The following GRM8 variants were observed in gnomAD, a reference collection of about 807,000 sequenced individuals.
GRM8 encodes glutamate metabotropic receptor 8.
Under a neutral mutation model 87.2 loss-of-function variants are expected in GRM8, and 47 were observed. The ratio of observed to expected loss-of-function variants is 0.54; its 90% CI spans 0.43 to 0.69. The LOEUF (loss-of-function observed/expected upper bound fraction) is 0.69. Ranked by LOEUF, GRM8 falls within the 30% of genes least tolerant of loss-of-function variation. The pLI is 0.00. For missense variants in GRM8, 1,019 were observed against 1,139.2 expected (o/e 0.89, Z 1.52); for synonymous variants, 396 against 404.5 (o/e 0.98, Z 0.25).
At chr7:127,054,359 G>A (rs1819775580) in intron 3 of GRM8, among the ~76,000 whole-genome samples, 1 of 152,106 alleles carries the variant, frequency 6.6e-6, no homozygotes, top group African/African-American at 2.4e-5. Flanking sequence ...TTTACTACCT[G>A]TGAATGACTG....
At chr7:127,239,645 T>C (rs1468424742) in intron 2 of GRM8, among the ~76,000 whole-genome samples, 1 of 152,232 alleles carries the variant, frequency 6.6e-6, no homozygotes, top group Non-Finnish European at 1.5e-5. Context: ...TGATAACTAT[T>C]CTAATATTTC....
At chr7:126,814,476 A>C (rs117618076) in intron 6 of GRM8, among the ~76,000 whole-genome samples, 1 of 152,108 alleles carries the variant, frequency 6.6e-6, no homozygotes, top group Non-Finnish European at 1.5e-5. Context: ...AGAAAAACTT[A>C]AACAGAATTC....
At chr7:127,225,307 G>A (rs1289779133) in intron 2 of GRM8, among the ~76,000 whole-genome samples, 1 of 152,326 alleles carries the variant, frequency 6.6e-6, no homozygotes, top group Non-Finnish European at 1.5e-5. Flanking sequence ...GCTTATGGAA[G>A]GCTCTTCTCA....
chr7:126,558,245 C>G (rs916332983), intron 8 of GRM8, among the ~76,000 whole-genome samples: 1 of 152,106 alleles, frequency 6.6e-6, no homozygotes, highest in Non-Finnish European at 1.5e-5. Context: ...CAACTGTGTA[C>G]CAAGTATAGT....
intron 3 of GRM8, among the ~76,000 whole-genome samples, chr7:126,974,187 C>T (rs142513606): frequency 2.3e-4 from 35 of 152,336 alleles, no homozygotes; most frequent in African/African-American, 6.0e-4. Context: ...CCCCAGATAT[C>T]TCACTATGTA....
intron 3 of GRM8, among the ~76,000 whole-genome samples, chr7:127,027,941 C>A (rs993515523): frequency 6.6e-6 from 1 of 152,080 alleles, no homozygotes; most frequent in Admixed American, 6.6e-5. Context: ...CAGTTTTTGC[C>A]CATTCACTAC....
At chr7:126,570,493 T>C (rs1794603206) in intron 8 of GRM8, among the ~76,000 whole-genome samples, 1 of 152,202 alleles carries the variant, frequency 6.6e-6, no homozygotes, top group Non-Finnish European at 1.5e-5. Flanking sequence ...ATATCTCCTG[T>C]ACTCCTAGAC....
At chr7:127,141,351 A>G (rs931944627) in intron 2 of GRM8, among the ~76,000 whole-genome samples, 23 of 151,612 alleles carry the variant, frequency 1.5e-4, no homozygotes, top group African/African-American at 5.4e-4. Flanking sequence ...GCTAGAATTC[A>G]TGTTCAATTA....
At chr7:126,725,494 A>G (rs1211692661) in intron 7 of GRM8, among the ~76,000 whole-genome samples, 5 of 152,180 alleles carry the variant, frequency 3.3e-5, no homozygotes. Context: ...CTCCTACTCT[A>G]AAGCCCTGAC....
At chr7:126,986,172 C>A (rs17861383) in intron 3 of GRM8, among the ~76,000 whole-genome samples, 15,456 of 151,966 alleles carry the variant, frequency 0.1, 957 homozygotes, top group East Asian at 0.22. Flanking sequence ...TGCCACCACC[C>A]CTGACTAATT....
chr7:126,466,181 T>A (rs1021362529), intron 9 of GRM8, among the ~76,000 whole-genome samples: 4 of 151,928 alleles, frequency 2.6e-5, no homozygotes, highest in Non-Finnish European at 5.9e-5. Context: ...ACTTTTTTTT[T>A]AGTTAGAATT....
chr7:126,719,172 TATC>T (rs961949254), intron 7 of GRM8, among the ~76,000 whole-genome samples: 45 of 152,220 alleles, frequency 3.0e-4, no homozygotes, highest in Admixed American at 2.9e-3. Context: ...TTTGCAAAGT[TATC>T]ATAAAATATA....
chr7:127,167,070 G>A lies in GRM8; in HGVS notation c.511-60358C>T, dbSNP rs1173058380. Reference sequence around the variant, plus strand: ...ACTCTAAAACATCCTTTTAAAATCTGGGCATAGAAGGTTTAGAGTCTGGCT... The same window carrying A: ...ACTCTAAAACATCCTTTTAAAATCTAGGCATAGAAGGTTTAGAGTCTGGCT... On this transcript the variant is annotated intron_variant, in intron 2 of 10. Coordinates refer to ENST00000339582, the MANE Select transcript of GRM8 (RefSeq NM_000845.3). 2.6e-5 allele frequency among the ~76,000 whole-genome samples: 4 copies of A among 152,210 alleles called. No homozygotes were observed. The East Asian group carries it at 7.7e-4, about 29-fold the overall frequency.
At chr7:126,951,908 C>G (rs1808206349) in intron 3 of GRM8, among the ~76,000 whole-genome samples, 1 of 151,772 alleles carries the variant, frequency 6.6e-6, no homozygotes, top group African/African-American at 2.4e-5. Flanking sequence ...TATTCATATG[C>G]ATATATTTCC....
chr7:126,456,045 C>A lies in GRM8; in HGVS notation c.2431-9673G>T, dbSNP rs1803188007. On this transcript the variant is annotated intron_variant, in intron 9 of 10. Coordinates refer to ENST00000339582, the MANE Select transcript of GRM8 (RefSeq NM_000845.3). Reference sequence around the variant, plus strand: ...TATCAAATAAATTCATATAAGCTAACATTTTAATCATTAAAATAAAATCTC... The same window carrying A: ...TATCAAATAAATTCATATAAGCTAAAATTTTAATCATTAAAATAAAATCTC... 2.6e-5 allele frequency among the ~76,000 whole-genome samples: 4 copies of A among 151,484 alleles called. No individual in the cohort carries two copies. The South Asian group carries it at 8.3e-4, about 31-fold the overall frequency.
chr7:126,871,771 TA>T (rs1799118636), intron 6 of GRM8, among the ~76,000 whole-genome samples: 1 of 152,180 alleles, frequency 6.6e-6, no homozygotes, highest in East Asian at 1.9e-4. Flanking sequence ...CGTTATATGG[TA>T]AAGACTGTCT....
At chr7:126,666,528 T>C (rs1431229358) in intron 7 of GRM8, among the ~76,000 whole-genome samples, 1 of 152,136 alleles carries the variant, frequency 6.6e-6, no homozygotes, top group African/African-American at 2.4e-5. Flanking sequence ...ACAAAAGCAT[T>C]AATATCAACA....
chr7:127,219,156 CTT>C (rs5887327), intron 2 of GRM8, among the ~76,000 whole-genome samples: 23 of 151,196 alleles, frequency 1.5e-4, no homozygotes, highest in Middle Eastern at 3.4e-3. Context: ...CATAGAAGAA[CTT>C]TTTTTTTTTA....
At chr7:126,735,729 C>G (rs1814136370) in intron 7 of GRM8, among the ~76,000 whole-genome samples, 1 of 151,952 alleles carries the variant, frequency 6.6e-6, no homozygotes, top group Admixed American at 6.6e-5. Context: ...CAAGAAAACA[C>G]AAAGACTCTT....
Sources: gnomAD v4.1 joint callset for allele counts (sites outside exome capture counted in the v4.1 genomes callset) on GRCh38, gnomAD v4.1.1 for gene constraint, MANE v1.5 for transcripts, NCBI Gene and HGNC (gene_info 2026-07-23, HGNC 2026-07-21) for gene names.